MSH4: variants seen among roughly 807,000 people sequenced by gnomAD.
The protein encoded by MSH4 is mutS protein homolog 4.
Under a neutral mutation model 113.7 loss-of-function variants are expected in MSH4, and 106 were observed. That is an observed-to-expected ratio of 0.93 (90% CI 0.80 to 1.10). The LOEUF (loss-of-function observed/expected upper bound fraction) is 1.10, where lower values mean the gene tolerates loss of function less well. Among genes scored for constraint, MSH4 ranks in the 50% least tolerant of loss-of-function variants. The probability of loss-of-function intolerance (pLI) is 0.00; values close to 1 mark genes in which losing one functional copy is unlikely to be tolerated. For missense variants in MSH4, 1,061 were observed against 1,093.7 expected (o/e 0.97, Z 0.42); for synonymous variants, 368 against 380.2 (o/e 0.97, Z 0.37).
chr1:75,887,603 A>G (rs562221536), intron 15 of MSH4, among the ~76,000 whole-genome samples: 5 of 152,250 alleles, frequency 3.3e-5, no homozygotes, highest in Non-Finnish European at 4.4e-5. Flanking sequence ...TATTAACTCC[A>G]TGTTATAGAT....
At chr1:75,853,198 G>A (rs1005494598) in intron 8 of MSH4, among the ~76,000 whole-genome samples, 5 of 151,982 alleles carry the variant, frequency 3.3e-5, no homozygotes, top group African/African-American at 1.2e-4. Context: ...CCAAGTAGCT[G>A]GGATTACAGG....
chr1:75,810,681 A>T lies in MSH4; in HGVS notation c.589-16A>T. ...CTAAGCTTTATTTAAGAAATTGTTT[A>T]TTCAAATGATTTCAGGTGATCACTA... On this transcript the variant is annotated splice_polypyrimidine_tract_variant and intron_variant, in intron 3 of 19. Coordinates refer to ENST00000263187, the MANE Select transcript of MSH4 (RefSeq NM_002440.4). 1 of 1,165,298 alleles carries T rather than the reference A, an allele frequency of 8.6e-7. No homozygotes were observed. The highest frequency in any genetic ancestry group is 1.2e-6 in the Non-Finnish European group (1 of 826,654). 72.2% of individuals were successfully genotyped at this position (1,165,298 alleles called of 1,614,324 possible).
intron 18 of MSH4, among the ~76,000 whole-genome samples, chr1:75,898,472 T>A (rs2100588672): frequency 6.6e-6 from 1 of 151,882 alleles, no homozygotes; most frequent in African/African-American, 2.4e-5. Flanking sequence ...TACTTGAAAA[T>A]TAAATCTAAA....
At chr1:75,833,103 C>A (rs1470996528) in intron 7 of MSH4, among the ~76,000 whole-genome samples, 1 of 152,132 alleles carries the variant, frequency 6.6e-6, no homozygotes, top group African/African-American at 2.4e-5. Context: ...GACACAAAAT[C>A]AATGTGCAAA....
intron 1 of MSH4, among the ~76,000 whole-genome samples, chr1:75,797,694 A>C (rs1649848000): frequency 6.6e-6 from 1 of 152,204 alleles, no homozygotes; most frequent in Non-Finnish European, 1.5e-5. Flanking sequence ...CACTTTGGGA[A>C]ACCAGGGTGG....
intron 17 of MSH4, among the ~76,000 whole-genome samples, chr1:75,893,568 G>A (rs897711693): frequency 2.0e-5 from 3 of 152,160 alleles, no homozygotes; most frequent in Admixed American, 1.3e-4. Flanking sequence ...AACTGTAATG[G>A]CATCCCAGCC....
At chr1:75,801,598 G>T (rs1026660735) in intron 1 of MSH4, among the ~76,000 whole-genome samples, 1 of 151,766 alleles carries the variant, frequency 6.6e-6, no homozygotes, top group African/African-American at 2.4e-5. Context: ...TTATGCTGAG[G>T]CATGGTGGCT....
At chr1:75,869,993 A>G (rs571442413) in intron 9 of MSH4, among the ~76,000 whole-genome samples, 32 of 152,192 alleles carry the variant, frequency 2.1e-4, no homozygotes, top group Non-Finnish European at 3.8e-4. Context: ...CAGCCTTAAA[A>G]GCAGCTGCAG....
intron 8 of MSH4, among the ~76,000 whole-genome samples, chr1:75,852,949 AAC>A (rs1477073584): frequency 6.6e-6 from 1 of 152,184 alleles, no homozygotes; most frequent in Admixed American, 6.5e-5. Flanking sequence ...GTATGATTAT[AAC>A]AGTTTTAGTT....
intron 8 of MSH4, among the ~76,000 whole-genome samples, chr1:75,852,444 G>A (rs1651209477): frequency 6.6e-6 from 1 of 152,150 alleles, no homozygotes; most frequent in South Asian, 2.1e-4. Flanking sequence ...TTAATAATTT[G>A]AGGAACTGCT....
chr1:75,817,780 T>C (rs1437120408), intron 6 of MSH4, among the ~76,000 whole-genome samples: 1 of 88,028 alleles, frequency 1.1e-5, no homozygotes, highest in Non-Finnish European at 2.3e-5. Flanking sequence ...TACCTCCTTT[T>C]AGAAATAAGT....
intron 8 of MSH4, among the ~76,000 whole-genome samples, chr1:75,849,381 A>G (rs575820135): frequency 2.0e-5 from 3 of 152,340 alleles, no homozygotes; most frequent in Non-Finnish European, 2.9e-5. Context: ...AATATTTACT[A>G]TAATGAAATA....
At chr1:75,801,061 G>T (rs1480093900) in intron 1 of MSH4, among the ~76,000 whole-genome samples, 1 of 152,150 alleles carries the variant, frequency 6.6e-6, no homozygotes, top group Non-Finnish European at 1.5e-5. Context: ...AAGGATTAAA[G>T]AATCAAGAAT....
In MSH4 at chr1:75,848,189, C is replaced by T. The variant is rs2047435; in HGVS notation, c.1163-20C>T. 0.16 allele frequency: 241,183 copies of T among 1,534,454 alleles called. 22,497 individuals carry two copies. Among genetic ancestry groups the T allele is most frequent in the Admixed American group, 0.34 (19,705 of 57,406 alleles). ...CTGTACCATAAAGTTTAAATACTCA[C>T]ATTTGTTTGTTTGTTTCAGTTATAT... On this transcript the variant is annotated intron_variant, in intron 7 of 19. Transcript: ENST00000263187.
chr1:75,879,387 G>T (rs544273450), intron 12 of MSH4, among the ~76,000 whole-genome samples: 1 of 152,246 alleles, frequency 6.6e-6, no homozygotes, highest in African/African-American at 2.4e-5. Context: ...ACATCCAAAA[G>T]CTGTTTATGA....
At chr1:75,859,009 A>G (rs925993088) in intron 8 of MSH4, among the ~76,000 whole-genome samples, 1 of 152,208 alleles carries the variant, frequency 6.6e-6, no homozygotes, top group African/African-American at 2.4e-5. Flanking sequence ...GTATGTGTCC[A>G]GGAATTTATC....
chr1:75,880,553 C>G (rs1389901885), intron 13 of MSH4, among the ~76,000 whole-genome samples: 2 of 151,680 alleles, frequency 1.3e-5, no homozygotes, highest in Non-Finnish European at 2.9e-5. Flanking sequence ...AGCAATACAG[C>G]CAGAAAGAAG....
chr1:75,876,671 G>A (rs766418122), intron 9 of MSH4, among the ~76,000 whole-genome samples: 3 of 151,996 alleles, frequency 2.0e-5, no homozygotes, highest in Non-Finnish European at 4.4e-5. Context: ...GTTGTCGGGT[G>A]TTAACAATTA....
At chr1:75,894,193 G>C (rs1230041972) in intron 17 of MSH4, among the ~76,000 whole-genome samples, 4 of 152,180 alleles carry the variant, frequency 2.6e-5, no homozygotes, top group Non-Finnish European at 2.9e-5. Context: ...AAATGCAATA[G>C]GAATAATTGG....
Sources: gnomAD v4.1 joint callset for allele counts (sites outside exome capture counted in the v4.1 genomes callset) on GRCh38, gnomAD v4.1.1 for gene constraint, MANE v1.5 for transcripts, NCBI Gene and HGNC (gene_info 2026-07-23, HGNC 2026-07-21) for gene names.